The following VTI1A variants were observed in gnomAD, a reference collection of about 807,000 sequenced individuals.
VTI1A encodes the protein vesicle transport through interaction with t-SNAREs 1A.
Under a neutral mutation model 34.9 loss-of-function variants are expected in VTI1A, and 22 were observed. The ratio of observed to expected loss-of-function variants is 0.63; its 90% confidence interval spans 0.45 to 0.90. VTI1A has a LOEUF of 0.90. Ranked by LOEUF, VTI1A falls within the 40% of genes least tolerant of loss-of-function variation. The pLI, the probability that VTI1A is intolerant of heterozygous loss-of-function variation, is 0.00. For missense variants in VTI1A, 268 were observed against 275.6 expected (o/e 0.97, Z 0.20); for synonymous variants, 87 against 97.3 (o/e 0.89, Z 0.62).
intron 5 of VTI1A, among the ~76,000 whole-genome samples, chr10:112,660,564 T>C (rs1847409766): frequency 6.6e-6 from 1 of 152,226 alleles, no homozygotes; most frequent in East Asian, 1.9e-4. Flanking sequence ...GACAAAGGAA[T>C]TTGGAGATCA....
rs751870581 is a variant in VTI1A at position 112,495,196 on chromosome 10, CTT to C, written c.264+30562_264+30563del. The stretch of plus-strand genomic sequence containing the variant: ...TTGATGGGAAGAATTCAGTAATGGT[CTT>C]TTTTTTTTTTTTTTTTTTTTTTAGT... On this transcript the variant is annotated intron_variant, in intron 3 of 7. Coordinates refer to ENST00000393077, the MANE Select transcript of VTI1A (RefSeq NM_145206.4). Among the ~76,000 whole-genome samples the C allele has an allele frequency of 6.6e-3, 521 of 79,012 alleles. 1 individual carries two copies. Among genetic ancestry groups the C allele is most frequent in the East Asian group, 0.023 (58 of 2,556 alleles). 51.8% of individuals were successfully genotyped at this position (79,012 alleles called of 152,430 possible).
At position 112,527,101 on chromosome 10, in the gene VTI1A, C is replaced by T. The variant is rs1225104646; in HGVS notation, c.279C>T (p.Ile93=). 8.7e-6 allele frequency: 14 copies of T among 1,612,866 alleles called. No homozygotes were observed. The highest frequency in any genetic ancestry group is 8.4e-5 in the Admixed American group (5 of 59,830). ...KLETDFKRSR[I]AYSDEVRNEL... ...TTGTTTTATAGAAAAGGTCACGGAT[C>T]GCCTACAGTGACGAAGTACGGAATG... Residue 93 remains isoleucine (I), a synonymous_variant, in exon 4 of 8, where the codon ATC becomes ATT. Coordinates refer to ENST00000393077, the MANE Select transcript of VTI1A (RefSeq NM_145206.4).
Position 112,637,386 on chromosome 10 carries a change from G to A in VTI1A, c.428-30832G>A, listed in dbSNP as rs547300038. On this transcript the variant is annotated intron_variant, in intron 5 of 7. Transcript: ENST00000393077. ...AAATCATGATTAGAACTGCTATATA[G>A]GGCTGGGTGTGGTGGCTCACGCCTG... Among the ~76,000 whole-genome samples, 3 of 152,232 alleles carry A rather than the reference G, an allele frequency of 2.0e-5. No homozygotes were observed. In the East Asian group the frequency reaches 5.8e-4, roughly 29 times the overall value.
At position 112,817,857 on chromosome 10, in the gene VTI1A, G is replaced by A. The variant is rs185421803; in HGVS notation, c.*2474G>A. The A allele has an allele frequency of 2.8e-3, 656 of 233,266 alleles. 2 individuals are homozygous for A. Among genetic ancestry groups the A allele is most frequent in the Middle Eastern group, 7.6e-3 (6 of 786 alleles). 14.4% of individuals were successfully genotyped at this position (233,266 alleles called of 1,614,324 possible). On this transcript the variant is annotated 3_prime_UTR_variant, in exon 8 of 8. Coordinates refer to ENST00000393077, the MANE Select transcript of VTI1A (RefSeq NM_145206.4). ...AAAATGATGTTTAAGGGAGTGGTTG[G>A]GGGGAAGATGAAGGCATGGAGGAGG...
chr10:112,614,781 A>G (rs1052182738), intron 5 of VTI1A, among the ~76,000 whole-genome samples: 1 of 152,230 alleles, frequency 6.6e-6, no homozygotes, highest in Non-Finnish European at 1.5e-5. Context: ...GATACTGGTC[A>G]CAAGGCACAG....
intron 5 of VTI1A, among the ~76,000 whole-genome samples, chr10:112,615,077 C>G (rs1212211866): frequency 1.3e-5 from 2 of 151,912 alleles, no homozygotes; most frequent in African/African-American, 4.8e-5. Context: ...GAAAAAAAAC[C>G]TAAAAATCCA....
At chr10:112,791,185 C>G (rs1852465110) in intron 7 of VTI1A, among the ~76,000 whole-genome samples, 1 of 152,256 alleles carries the variant, frequency 6.6e-6, no homozygotes, top group African/African-American at 2.4e-5. Flanking sequence ...AGAAAAATGC[C>G]CTAGTCATCA....
At chr10:112,518,221 C>T (rs1849859518) in intron 3 of VTI1A, among the ~76,000 whole-genome samples, 1 of 151,812 alleles carries the variant, frequency 6.6e-6, no homozygotes, top group African/African-American at 2.4e-5. Flanking sequence ...GTCTATTAAC[C>T]CATTTATGCT....
intron 7 of VTI1A, among the ~76,000 whole-genome samples, chr10:112,785,724 C>T (rs949205288): frequency 6.6e-6 from 1 of 152,008 alleles, no homozygotes; most frequent in Non-Finnish European, 1.5e-5. Context: ...TATGGGTACC[C>T]AATTTCTCTA....
chr10:112,627,461 G>A (rs1002906950), intron 5 of VTI1A, among the ~76,000 whole-genome samples: 1 of 151,924 alleles, frequency 6.6e-6, no homozygotes. Flanking sequence ...ATTTAAATAA[G>A]ATAGAAGTAT....
At chr10:112,577,891 T>A (rs1843770764) in intron 5 of VTI1A, among the ~76,000 whole-genome samples, 1 of 152,246 alleles carries the variant, frequency 6.6e-6, no homozygotes, top group Non-Finnish European at 1.5e-5. Context: ...CCAAATCCGT[T>A]CGCTGTTTAA....
chr10:112,456,037 C>G (rs557993133), intron 1 of VTI1A, among the ~76,000 whole-genome samples: 123 of 152,210 alleles, frequency 8.1e-4, no homozygotes, highest in Non-Finnish European at 1.1e-3. Flanking sequence ...GTGGCCCCTA[C>G]CATGTACAGC....
At chr10:112,540,061 A>G (rs1029520817) in intron 5 of VTI1A, among the ~76,000 whole-genome samples, 1 of 152,162 alleles carries the variant, frequency 6.6e-6, no homozygotes, top group Non-Finnish European at 1.5e-5. Context: ...GTTCAGACTC[A>G]GGGGGTCTTC....
intron 5 of VTI1A, among the ~76,000 whole-genome samples, chr10:112,637,523 G>A (rs1189169806): frequency 3.9e-5 from 6 of 152,156 alleles, no homozygotes; most frequent in African/African-American, 1.4e-4. Flanking sequence ...GCTGGGCGTG[G>A]TGGCACATGC....
At chr10:112,707,578 C>A (rs543088948) in intron 7 of VTI1A, among the ~76,000 whole-genome samples, 3 of 151,914 alleles carry the variant, frequency 2.0e-5, no homozygotes, top group Admixed American at 2.0e-4. Flanking sequence ...GTGGTCTGCC[C>A]GCCTCTGCCT....
chr10:112,477,627 T>C (rs1848317390), intron 3 of VTI1A, among the ~76,000 whole-genome samples: 1 of 152,232 alleles, frequency 6.6e-6, no homozygotes, highest in African/African-American at 2.4e-5. Context: ...GAAAGAGTGT[T>C]AGATTTTATG....
chr10:112,562,454 A>G (rs952873973), intron 5 of VTI1A, among the ~76,000 whole-genome samples: 11 of 152,076 alleles, frequency 7.2e-5, no homozygotes, highest in African/African-American at 2.2e-4. Flanking sequence ...TTAGAGTGCT[A>G]TATTTTCCTA....
chr10:112,569,605 C>T (rs1235732428), intron 5 of VTI1A, among the ~76,000 whole-genome samples: 1 of 152,200 alleles, frequency 6.6e-6, no homozygotes, highest in Admixed American at 6.5e-5. Context: ...TGGCAGATAA[C>T]TGTACATTAG....
chr10:112,759,083 C>T (rs558357585), intron 7 of VTI1A, among the ~76,000 whole-genome samples: 16 of 152,200 alleles, frequency 1.1e-4, no homozygotes, highest in African/African-American at 1.9e-4. Context: ...CTACCCCAGC[C>T]GGCTACCAGA....
Sources: allele counts gnomAD v4.1 joint callset (sites outside exome capture counted in the v4.1 genomes callset), GRCh38; gene constraint gnomAD v4.1.1; transcripts MANE v1.5; gene names NCBI Gene and HGNC (gene_info 2026-07-23, HGNC 2026-07-21).